DVL3: variants seen among roughly 807,000 people sequenced by gnomAD.
DVL3 encodes dishevelled segment polarity protein 3.
In DVL3, 27 loss-of-function variants were observed where a neutral mutation model predicts 67.4. The observed-to-expected ratio is 0.40, with a 90% CI of 0.30 to 0.55. The LOEUF is 0.55. Ranked by LOEUF, DVL3 falls within the 20% of genes least tolerant of loss-of-function variation. The pLI is 0.46. For missense variants in DVL3, 819 were observed against 1,021.5 expected (o/e 0.80, Z 2.70); for synonymous variants, 369 against 396.8 (o/e 0.93, Z 0.83).
rs770175154 is a variant in DVL3, at chr3:184,167,656, G to A, written c.1275G>A (p.Gly425=). The A allele has an allele frequency of 2.5e-6, 4 of 1,613,608 alleles. No individual in the cohort carries two copies. Among genetic ancestry groups the A allele is most frequent in the East Asian group, 4.5e-5 (2 of 44,868 alleles). Residue 425 remains glycine (G), a synonymous_variant, in exon 12 of 15, where the codon GGG becomes GGA. Transcript: ENST00000313143. The surrounding 1 kb of genome is among the most constrained non-coding windows in gnomAD (Gnocchi z 4.6). ...AAGCCATGGCCTCCCCTGAATCAGG[G>A]TTGGAGGTCCGTGACCGCATGTGGC... ...IVKAMASPES[G]LEVRDRMWLK...
chr3:184,171,834 T>G lies in DVL3; in HGVS notation c.*1079T>G, dbSNP rs1483609451. The G allele has an allele frequency of 1.3e-5, 2 of 154,850 alleles. No homozygotes were observed. The highest frequency in any genetic ancestry group is 2.9e-5 in the Non-Finnish European group (2 of 69,464). 9.6% of individuals were successfully genotyped at this position (154,850 alleles called of 1,614,324 possible). A position where few individuals can be genotyped will look rare whatever the true frequency, so the allele number is the denominator to read the frequency against. Reference sequence around the variant, plus strand: ...GCGGGGGGAGGGGGGCCTCTTTAGCTCTCTTTATCTTTCTCTCTCACTCAT... The same window carrying G: ...GCGGGGGGAGGGGGGCCTCTTTAGCGCTCTTTATCTTTCTCTCTCACTCAT... On this transcript the variant is annotated 3_prime_UTR_variant, in exon 15 of 15. Transcript: ENST00000313143.
At chr3:184,162,764 C>T (rs1180753647) in intron 1 of DVL3, among the ~76,000 whole-genome samples, 4 of 152,014 alleles carry the variant, frequency 2.6e-5, no homozygotes, top group African/African-American at 9.7e-5. Flanking sequence ...CATACTCTTT[C>T]CACTGTATTT....
chr3:184,165,916 C>T lies in DVL3; in HGVS notation c.764-210C>T, dbSNP rs994176287. Among the ~76,000 whole-genome samples, 9 of 152,336 alleles carry T rather than the reference C, an allele frequency of 5.9e-5. No individual in the cohort carries two copies. Among genetic ancestry groups the T allele is most frequent in the Middle Eastern group, 3.4e-3 (1 of 294 alleles). On this transcript the variant is annotated intron_variant, in intron 7 of 14. Transcript: ENST00000313143. This position sits in a 1 kb window ranked among gnomAD's most constrained non-coding sequence, Gnocchi z 4.1. ...AAAGTCATCTTCTAAGTTCACTGAA[C>T]CTCAGTTGCCTGCTCTGTAAAATGG...
At chr3:184,161,989 A>C (rs903915365) in intron 1 of DVL3, among the ~76,000 whole-genome samples, 1 of 152,204 alleles carries the variant, frequency 6.6e-6, no homozygotes, top group African/African-American at 2.4e-5. Flanking sequence ...GTAAGAATGC[A>C]GATGTTAGAG....
rs1714142061 is a variant in DVL3, at chr3:184,155,511, C to A, written c.-125C>A. 2.0e-6 allele frequency: 1 copy of A among 495,748 alleles called. No individual in the cohort carries two copies. 30.7% of individuals were successfully genotyped at this position (495,748 alleles called of 1,614,324 possible). On this transcript the variant is annotated 5_prime_UTR_variant, in exon 1 of 15. Coordinates refer to ENST00000313143, the MANE Select transcript of DVL3 (RefSeq NM_004423.4). The surrounding 1 kb of genome is among the most constrained non-coding windows in gnomAD (Gnocchi z 5.4). ...AGCGGCCGGAGAACAAGGGAGCTGG[C>A]GCCGCCAGCAGCCGCCGAGCTGGGT...
chr3:184,159,862 C>T (rs549955716), intron 1 of DVL3, among the ~76,000 whole-genome samples: 2 of 152,270 alleles, frequency 1.3e-5, no homozygotes, highest in East Asian at 1.9e-4. Flanking sequence ...ATAGCAAGCT[C>T]AGGACCTGAA....
At position 184,169,465 on chromosome 3, in the gene DVL3, C is replaced by T. The variant is rs184922778; in HGVS notation, c.1499-541C>T. On this transcript the variant is annotated intron_variant, in intron 13 of 14. Transcript: ENST00000313143. ...ATCCCAGCCTTTTGGGAGGCTGAGG[C>T]GGGCAGACCACCTGAGGTTAGGAGT... is the stretch of plus-strand genomic sequence containing the variant. 1.4e-4 allele frequency among the ~76,000 whole-genome samples: 22 copies of T among 152,174 alleles called. No individual in the cohort carries two copies. In the East Asian group the frequency reaches 3.3e-3, roughly 23 times the overall value.
intron 1 of DVL3, chr3:184,156,235 T>A: frequency 4.5e-6 from 2 of 445,282 alleles, no homozygotes; most frequent in Non-Finnish European, 9.0e-6. Flanking sequence ...GCAGCACAGC[T>A]CCCAGCCATA....
Position 184,167,111 on chromosome 3 carries a change from A to G in DVL3, c.1198+136A>G. 9.2e-7 allele frequency: 1 copy of G among 1,089,220 alleles called. No individual in the cohort carries two copies. The highest frequency in any genetic ancestry group is 1.3e-6 in the Non-Finnish European group (1 of 754,448). 67.5% of individuals were successfully genotyped at this position (1,089,220 alleles called of 1,614,324 possible). On this transcript the variant is annotated intron_variant, in intron 11 of 14. Coordinates refer to ENST00000313143, the MANE Select transcript of DVL3 (RefSeq NM_004423.4). The surrounding 1 kb of genome is among the most constrained non-coding windows in gnomAD (Gnocchi z 4.6). ...GCTCGGCTCATTCCAGCAACCCCACACTGCAACTCCCCCACAGCGGGCACT... is the reference window on the plus strand; with the variant it reads ...GCTCGGCTCATTCCAGCAACCCCACGCTGCAACTCCCCCACAGCGGGCACT...
At chr3:184,168,223 T>G (rs1046874326) in intron 13 of DVL3, among the ~76,000 whole-genome samples, 158 bp downstream of exon 13, 7 of 152,166 alleles carry the variant, frequency 4.6e-5, no homozygotes, top group African/African-American at 1.7e-4. Flanking sequence ...AAGAGTCCAG[T>G]TTAGCCTCTT....
Position 184,170,666 on chromosome 3 carries a change from G to T in DVL3, c.2062G>T (p.Ala688Ser). 11 of 1,613,082 alleles carry T rather than the reference G, an allele frequency of 6.8e-6. No individual in the cohort carries two copies. Among genetic ancestry groups the T allele is most frequent in the Non-Finnish European group, 9.3e-6 (11 of 1,179,652 alleles). The part of the protein sequence containing the change: ...PPGAPPGRDL[A>S]SVPPELTASR... ...AGGAGCCCCTCCGGGCCGCGACCTG[G>T]CCTCAGTGCCCCCGGAACTGACCGC... Residue 688 changes from alanine (A) to serine (S), a missense_variant, in exon 15 of 15, where the codon GCC becomes TCC. Physicochemically the swap from Ala to Ser is moderately conservative, Grantham distance 99. Around this residue, in one of 3 missense-constraint regions of DVL3, gnomAD observed 324 missense variants for 331.3 expected, o/e 0.98. Transcript: ENST00000313143. This position sits in a 1 kb window ranked among gnomAD's most constrained non-coding sequence, Gnocchi z 6.5.
rs1421098674 is a variant in DVL3, at chr3:184,164,499, G to C, written c.361G>C (p.Ala121Pro). 1.9e-6 allele frequency: 3 copies of C among 1,594,804 alleles called. No homozygotes were observed. The highest frequency in any genetic ancestry group is 2.3e-5 in the South Asian group (2 of 88,316). The change falls in exon 4 of 15, where the codon GCT becomes CCT. Residue 121 changes from alanine (A) to proline (P), a missense_variant. By Grantham distance (27) the Ala-to-Pro change is conservative. Around this residue, in one of 3 missense-constraint regions of DVL3, gnomAD observed 385 missense variants for 486.8 expected, o/e 0.79. Transcript: ENST00000313143. This position sits in a 1 kb window ranked among gnomAD's most constrained non-coding sequence, Gnocchi z 5.3. ...CAAGTCTCTTCCCTGCAGCCCTCAT[G>C]CTGGTGGGGGCAGCCAGGAGAACCT... is the stretch of plus-strand genomic sequence containing the variant. ...DSRPPSFHPHAGGGSQENLDN... is the reference protein window; with the variant it reads ...DSRPPSFHPHPGGGSQENLDN...
In DVL3 at chr3:184,164,894, A is replaced by G; in HGVS notation, c.562A>G (p.Ser188Gly). 1 of 1,614,150 alleles carries G rather than the reference A, an allele frequency of 6.2e-7. No homozygotes were observed. The highest frequency in any genetic ancestry group is 8.5e-7 in the Non-Finnish European group (1 of 1,180,020). The change falls in exon 5 of 15, where the codon AGC (serine) becomes GGC (glycine). Residue 188 changes from serine to glycine, a missense_variant. Around this residue, in one of 3 missense-constraint regions of DVL3, gnomAD observed 385 missense variants for 486.8 expected, o/e 0.79. Coordinates refer to ENST00000313143, the MANE Select transcript of DVL3 (RefSeq NM_004423.4). This position sits in a 1 kb window ranked among gnomAD's most constrained non-coding sequence, Gnocchi z 5.3. ...TATGAGCAGTGAGCTGGAGACCACC[A>G]GCTTCTTTGACTCAGATGAGGATGA... ...TLMSSELETT[S>G]FFDSDEDDST...
In DVL3 at chr3:184,166,261, T is replaced by TA. The variant is rs1348572431; in HGVS notation, c.900dup (p.Gln301ThrfsTer8). On this transcript the variant is annotated frameshift_variant, in exon 8 of 15. Transcript: ENST00000313143. LOFTEE classifies it high-confidence loss of function. The surrounding 1 kb of genome is among the most constrained non-coding windows in gnomAD (Gnocchi z 6.7). ...CGCATCGAGCCAGGAGATATGTTGT[T>TA]ACAGGTATCAGTGCCCATCCTAGGC... 5 of 1,612,644 alleles carry TA rather than the reference T, an allele frequency of 3.1e-6. No homozygotes were observed. The highest frequency in any genetic ancestry group is 4.2e-6 in the Non-Finnish European group (5 of 1,179,586).
In DVL3 at chr3:184,165,629, TCATTTTA is replaced by T; in HGVS notation, c.763+139_763+145del. On this transcript the variant is annotated intron_variant, in intron 7 of 14. Coordinates refer to ENST00000313143, the MANE Select transcript of DVL3 (RefSeq NM_004423.4). The surrounding 1 kb of genome is among the most constrained non-coding windows in gnomAD (Gnocchi z 4.1). ...AAACATCAGCTGATACATAAACTGA[TCATTTTA>T]GTATCTCACCATCAGGGCTATGACA... 1 of 717,564 alleles carries T rather than the reference TCATTTTA, an allele frequency of 1.4e-6. No homozygotes were observed. Among genetic ancestry groups the T allele is most frequent in the Non-Finnish European group, 2.4e-6 (1 of 415,398 alleles). The allele number at this position is 717,564 out of a possible 1,614,324, so 44.4% of individuals were successfully genotyped here. A position where few individuals can be genotyped will look rare whatever the true frequency, so the allele number is the denominator to read the frequency against.
intron 1 of DVL3, chr3:184,156,369 C>T (rs557820020): frequency 4.4e-6 from 2 of 456,680 alleles, no homozygotes; most frequent in Non-Finnish European, 8.8e-6. Flanking sequence ...GCTGCCTGCC[C>T]TCTCCTTTGT....
chr3:184,170,554 C>A lies in DVL3; in HGVS notation c.1950C>A (p.His650Gln), dbSNP rs1468203025. 6.2e-7 allele frequency: 1 copy of A among 1,612,470 alleles called. No individual in the cohort carries two copies. Among genetic ancestry groups the A allele is most frequent in the Non-Finnish European group, 8.5e-7 (1 of 1,179,210 alleles). Residue 650 changes from histidine (H) to glutamine (Q), a missense_variant, in exon 15 of 15, where the codon CAC becomes CAA. Transcript: ENST00000313143. The surrounding 1 kb of genome is among the most constrained non-coding windows in gnomAD (Gnocchi z 6.5). ...GCAGCCTTCGCAGCCACCACACACA[C>A]CCGAGCTACGGTCCTCCCGGAGTGC... ...LASSLRSHHT[H>Q]PSYGPPGVPP...
chr3:184,171,421 G>T lies in DVL3; in HGVS notation c.*666G>T. On this transcript the variant is annotated 3_prime_UTR_variant, in exon 15 of 15. Transcript: ENST00000313143. ...CTGGTGGCTTCCAGGGAGCATCTCT[G>T]CTCTACCCCTGCCCCATGCCTGCCC... 1.0e-6 allele frequency: 1 copy of T among 993,600 alleles called. No individual in the cohort carries two copies. The highest frequency in any genetic ancestry group is 1.2e-6 in the Non-Finnish European group (1 of 835,628). 61.5% of individuals were successfully genotyped at this position (993,600 alleles called of 1,614,324 possible). A position where few individuals can be genotyped will look rare whatever the true frequency, so the allele number is the denominator to read the frequency against.
Position 184,166,289 on chromosome 3 carries a change from T to C in DVL3, c.903+24T>C. 1 of 1,610,014 alleles carries C rather than the reference T, an allele frequency of 6.2e-7. No individual in the cohort carries two copies. Among genetic ancestry groups the C allele is most frequent in the East Asian group, 2.2e-5 (1 of 44,844 alleles). On this transcript the variant is annotated intron_variant, in intron 8 of 14. Transcript: ENST00000313143. The surrounding 1 kb of genome is among the most constrained non-coding windows in gnomAD (Gnocchi z 6.7). ...AGGTATCAGTGCCCATCCTAGGCGGTGGTGTGGATAGAGGGCAGGGAGGTG... is the reference window on the plus strand; with the variant it reads ...AGGTATCAGTGCCCATCCTAGGCGGCGGTGTGGATAGAGGGCAGGGAGGTG...
Sources: gnomAD v4.1 joint callset for allele counts (sites outside exome capture counted in the v4.1 genomes callset) on GRCh38, gnomAD v4.1.1 for gene constraint, gnomAD v4.1.1 regional missense constraint, Gnocchi (gnomAD v3.1) non-coding constraint, MANE v1.5 for transcripts, NCBI Gene and HGNC (gene_info 2026-07-23, HGNC 2026-07-21) for gene names.